The following TUSC3 variants were observed in gnomAD, a reference collection of about 807,000 sequenced individuals.
TUSC3 encodes dolichyl-diphosphooligosaccharide--protein glycosyltransferase subunit TUSC3.
A neutral mutation model predicts 44.8 loss-of-function variants in TUSC3; 45 were observed. That is an observed-to-expected ratio of 1.00 (90% CI 0.79 to 1.29). TUSC3 has a LOEUF of 1.29. Among genes scored for constraint, TUSC3 ranks in the 50% most tolerant of loss-of-function variants. The probability of loss-of-function intolerance (pLI) is 0.00; values close to 1 mark genes in which losing one functional copy is unlikely to be tolerated. For synonymous variants in TUSC3, 212 were observed against 152.9 expected, an observed-to-expected ratio of 1.39 and a Z score of -2.85; for missense variants, 519 against 437.9, an observed-to-expected ratio of 1.19 and a Z score of -1.65.
At chr8:15,624,544 A>G (rs1805403039) in intron 2 of TUSC3, among the ~76,000 whole-genome samples, 1 of 152,126 alleles carries the variant, frequency 6.6e-6, no homozygotes, top group African/African-American at 2.4e-5. Context: ...TTAATTTTGC[A>G]TTTCCCTATG....
the TUSC3 span, among the ~76,000 whole-genome samples, chr8:15,801,006 G>A: frequency 2.0e-5 from 3 of 152,080 alleles, no homozygotes; most frequent in African/African-American, 7.2e-5. Context: ...AAGGGGTCCC[G>A]ATCCAGATCC....
chr8:15,433,832 G>A (rs973895429), intron 1 of TUSC3, among the ~76,000 whole-genome samples: 1 of 152,056 alleles, frequency 6.6e-6, no homozygotes, highest in Non-Finnish European at 1.5e-5. Flanking sequence ...CACATACTCT[G>A]TATTTGGATT....
At chr8:15,703,983 A>G (rs891194888) in intron 6 of TUSC3, among the ~76,000 whole-genome samples, 2 of 152,204 alleles carry the variant, frequency 1.3e-5, no homozygotes, top group African/African-American at 4.8e-5. Flanking sequence ...AACAAAATAG[A>G]TAAAGCTTAT....
the TUSC3 span, among the ~76,000 whole-genome samples, chr8:15,795,835 C>T: frequency 6.6e-6 from 1 of 152,186 alleles, no homozygotes; most frequent in African/African-American, 2.4e-5. Flanking sequence ...TTTGGAGGGA[C>T]TGCATGAGGT....
the TUSC3 span, among the ~76,000 whole-genome samples, chr8:15,849,018 A>G: frequency 6.6e-6 from 1 of 152,208 alleles, no homozygotes; most frequent in South Asian, 2.1e-4. Flanking sequence ...ACATGCCCAG[A>G]ATACTTTTAA....
At chr8:15,828,662 AC>A in the TUSC3 span, among the ~76,000 whole-genome samples, 2 of 152,264 alleles carry the variant, frequency 1.3e-5, no homozygotes, top group Non-Finnish European at 2.9e-5. Context: ...TATTTTCCTT[AC>A]AAAAATACAG....
chr8:15,746,488 C>G (rs1811420269), intron 8 of TUSC3, among the ~76,000 whole-genome samples: 1 of 152,062 alleles, frequency 6.6e-6, no homozygotes, highest in Non-Finnish European at 1.5e-5. Flanking sequence ...ATTTTATTTT[C>G]ACAGGTGTAG....
chr8:15,677,830 G>C (rs1007944897), intron 6 of TUSC3, among the ~76,000 whole-genome samples: 1 of 152,218 alleles, frequency 6.6e-6, no homozygotes, highest in African/African-American at 2.4e-5. Context: ...GGTGCCATGG[G>C]TGGGAGGAAC....
chr8:15,518,493 T>C (rs1801252162), intron 2 of TUSC3, among the ~76,000 whole-genome samples: 1 of 152,210 alleles, frequency 6.6e-6, no homozygotes, highest in South Asian at 2.1e-4. Context: ...ATTATATTTA[T>C]TATAACAGAA....
chr8:15,562,785 G>A (rs1038044071), intron 1 of TUSC3, among the ~76,000 whole-genome samples: 1 of 152,076 alleles, frequency 6.6e-6, no homozygotes, highest in African/African-American at 2.4e-5. Context: ...TCACAGCATG[G>A]CTATTTGCTT....
the TUSC3 span, among the ~76,000 whole-genome samples, chr8:15,846,111 CCT>C: frequency 2.6e-5 from 4 of 152,100 alleles, no homozygotes; most frequent in South Asian, 6.2e-4. Flanking sequence ...ATTACCTCCC[CCT>C]GAGTCCCTCC....
At chr8:15,790,681 G>A in the TUSC3 span, among the ~76,000 whole-genome samples, 1 of 152,144 alleles carries the variant, frequency 6.6e-6, no homozygotes, top group African/African-American at 2.4e-5. Context: ...AGGTACCGGT[G>A]CAATGTTTAG....
upstream of TUSC3, among the ~76,000 whole-genome samples, chr8:15,539,345 C>CTTGTTTT (rs1801592125): frequency 1.4e-5 from 1 of 69,396 alleles, no homozygotes; most frequent in African/African-American, 6.1e-5. Context: ...TGCTATGGTT[C>CTTGTTTT]TTTTTTTTTT....
At chr8:15,422,754 C>A (rs1011384834) in intron 1 of TUSC3, among the ~76,000 whole-genome samples, 1 of 151,916 alleles carries the variant, frequency 6.6e-6, no homozygotes, top group African/African-American at 2.4e-5. Context: ...CCAGGCGCCC[C>A]ACCTCAGCCT....
At chr8:15,593,623 A>G (rs1016416547) in intron 1 of TUSC3, among the ~76,000 whole-genome samples, 2 of 152,296 alleles carry the variant, frequency 1.3e-5, no homozygotes, top group Admixed American at 6.5e-5. Context: ...TAATAATACA[A>G]TTGTAATCCG....
At chr8:15,753,088 A>AGAT (rs1252294013) in intron 9 of TUSC3, among the ~76,000 whole-genome samples, 3 of 152,032 alleles carry the variant, frequency 2.0e-5, no homozygotes, top group Non-Finnish European at 4.4e-5. Context: ...GCTATAGTTT[A>AGAT]CATAGATGTG....
downstream of TUSC3, among the ~76,000 whole-genome samples, chr8:15,770,535 C>G (rs1349667685): frequency 6.6e-6 from 1 of 151,886 alleles, no homozygotes; most frequent in East Asian, 1.9e-4. Flanking sequence ...ACATGTATCC[C>G]AGAACTTAAA....
intron 6 of TUSC3, among the ~76,000 whole-genome samples, chr8:15,679,546 C>T (rs1384827543): frequency 1.3e-5 from 2 of 152,064 alleles, no homozygotes; most frequent in Non-Finnish European, 2.9e-5. Flanking sequence ...TGTAGGTTGT[C>T]AATTTACTCA....
At chr8:15,594,445 A>G (rs1200099461) in intron 1 of TUSC3, among the ~76,000 whole-genome samples, 3 of 152,058 alleles carry the variant, frequency 2.0e-5, no homozygotes, top group African/African-American at 7.2e-5. Context: ...AAAATGTTTA[A>G]TTGGATCATA....
Sources: allele counts gnomAD v4.1 joint callset (sites outside exome capture counted in the v4.1 genomes callset), GRCh38; gene constraint gnomAD v4.1.1; transcripts MANE v1.5; gene names NCBI Gene and HGNC (gene_info 2026-07-23, HGNC 2026-07-21).